The following MYO15B variants were observed in gnomAD, a reference collection of about 807,000 sequenced individuals.
MYO15B encodes myosin XVB, also known as myosin XVB pseudogene.
MYO15B carries 207 observed loss-of-function variants against 119.3 expected under a neutral mutation model. The ratio of observed to expected loss-of-function variants is 1.73; its 90% confidence interval spans 1.55 to 1.95. MYO15B has a LOEUF of 1.95. Among genes scored for constraint, MYO15B ranks in the 30% most tolerant of loss-of-function variants. The pLI is 0.00. For missense variants in MYO15B, 2,264 were observed against 1,203.1 expected (o/e 1.88, Z -13.04); for synonymous variants, 966 against 498.9 (o/e 1.94, Z -12.48).
intron 11 of MYO15B, 40 bp from the exon 12 acceptor site, chr17:75,594,800 G>A: frequency 2.8e-6 from 2 of 702,844 alleles, no homozygotes; most frequent in Non-Finnish European, 5.2e-6. Flanking sequence ...AGGGCCCGAG[G>A]CACGGCTCTA....
At chr17:75,609,387 C>T (rs1057418436) in intron 21 of MYO15B, among the ~76,000 whole-genome samples, 3 of 151,394 alleles carry the variant, frequency 2.0e-5, no homozygotes, top group Admixed American at 1.3e-4. Context: ...GTTGCCCAGG[C>T]TGGTCTTGAA....
chr17:75,625,874 A>T, exon 62 of MYO15B: 1 of 702,944 alleles, frequency 1.4e-6, no homozygotes, highest in South Asian at 1.5e-5. Flanking sequence ...CTCTTCGGCT[A>T]CACCGTCTAT....
At chr17:75,597,228 G>T (rs938548596) in intron 14 of MYO15B, among the ~76,000 whole-genome samples, 5 of 152,224 alleles carry the variant, frequency 3.3e-5, no homozygotes, top group Non-Finnish European at 7.3e-5. Flanking sequence ...AAGGGCTTCT[G>T]CAGGTCCCTC....
chr17:75,607,958 T>A (rs1361795415), intron 21 of MYO15B, among the ~76,000 whole-genome samples: 1 of 152,194 alleles, frequency 6.6e-6, no homozygotes, highest in African/African-American at 2.4e-5. Context: ...ACTTATTCTT[T>A]TCCATTTTTA....
exon 13 of MYO15B, chr17:75,596,534 G>A (rs1275972033): frequency 1.4e-6 from 1 of 703,076 alleles, no homozygotes; most frequent in East Asian, 2.7e-5. Context: ...TCTCCAGCCA[G>A]ATGCTGCTGG....
intron 25 of MYO15B, 24 bp downstream of exon 25, chr17:75,612,040 T>C (rs1312760100): frequency 1.0e-5 from 7 of 702,444 alleles, no homozygotes; most frequent in Admixed American, 2.0e-5. Context: ...CCTAAGCTCT[T>C]CCCGCTGGCC....
chr17:75,610,763 C>T, intron 22 of MYO15B, 137 bp from the exon 23 acceptor site: 1 of 640,312 alleles, frequency 1.6e-6, no homozygotes. Flanking sequence ...GGGTGGCTGG[C>T]CCCTCCTGAT....
rs1568219727 is a variant in MYO15B at position 75,620,726 on chromosome 17, C to CG, written c.7725+92dup. ...TTTGACCACTCCCGAGGCTGCCATG[C>CG]GGTGGGACCACCCTGCTGTCCGTCT... On this transcript the variant is annotated intron_variant, in intron 49 of 63. Transcript: ENST00000645453. The CG allele has an allele frequency of 1.0e-5, 7 of 692,076 alleles. No individual in the cohort carries two copies. In the South Asian group the frequency reaches 1.1e-4, roughly 10 times the overall value. 42.9% of individuals were successfully genotyped at this position (692,076 alleles called of 1,614,324 possible).
At chr17:75,626,257 C>T (rs895019626) in intron 63 of MYO15B, 29 bp downstream of exon 63, 13 of 701,340 alleles carry the variant, frequency 1.9e-5, no homozygotes, top group East Asian at 5.4e-5. Context: ...GGCCACCTTG[C>T]GAAGGTGGAT....
At chr17:75,595,553 G>T (rs1470336227) in intron 12 of MYO15B, among the ~76,000 whole-genome samples, 1 of 152,180 alleles carries the variant, frequency 6.6e-6, no homozygotes, top group African/African-American at 2.4e-5. Context: ...TTCCCAGCAG[G>T]ACCTACCTTG....
exon 3 of MYO15B, chr17:75,590,941 C>G: frequency 1.8e-6 from 1 of 541,144 alleles, no homozygotes. Context: ...GTTCTGAACC[C>G]CCACCGGTCC....
exon 21 of MYO15B, chr17:75,606,009 G>A (rs1259746975): frequency 2.9e-6 from 2 of 698,640 alleles, no homozygotes; most frequent in East Asian, 5.4e-5. Context: ...CGCATGCGTG[G>A]GTTCCAGGCC....
intron 15 of MYO15B, chr17:75,602,256 C>G (rs1183771282): frequency 3.5e-6 from 2 of 572,480 alleles, no homozygotes; most frequent in Non-Finnish European, 6.3e-6. Context: ...ACATTCTTGT[C>G]TAGTCAACCT....
intron 9 of MYO15B, among the ~76,000 whole-genome samples, chr17:75,593,701 C>G (rs1046683251): frequency 4.0e-5 from 6 of 151,668 alleles, no homozygotes; most frequent in Non-Finnish European, 8.8e-5. Flanking sequence ...GGGCGGATCA[C>G]CTGAGGTCAG....
intron 19 of MYO15B, 72 bp from the exon 20 acceptor site, chr17:75,605,432 G>A (rs185708992): frequency 0.016 from 8,430 of 538,968 alleles, 65 homozygotes; most frequent in Non-Finnish European, 0.019. Flanking sequence ...GCGAGACTCC[G>A]TCTTAAAAAA....
exon 37 of MYO15B, chr17:75,616,083 G>C: frequency 1.7e-6 from 1 of 578,546 alleles, no homozygotes; most frequent in Non-Finnish European, 3.1e-6. Flanking sequence ...CCTCCGAGGA[G>C]GCTGAAGACA....
intron 14 of MYO15B, among the ~76,000 whole-genome samples, chr17:75,598,597 A>G (rs2057037533): frequency 6.6e-6 from 1 of 152,098 alleles, no homozygotes; most frequent in Non-Finnish European, 1.5e-5. Context: ...TTATTGTAAT[A>G]GTTCGTTGAT....
chr17:75,618,008 G>C (rs2058483009), intron 42 of MYO15B, 86 bp downstream of exon 42: 1 of 690,720 alleles, frequency 1.4e-6, no homozygotes, highest in African/African-American at 1.8e-5. Context: ...TGGGACCCCA[G>C]CATCCCCTCC....
At chr17:75,601,205 A>G (rs999523985) in intron 14 of MYO15B, among the ~76,000 whole-genome samples, 2 of 151,908 alleles carry the variant, frequency 1.3e-5, no homozygotes, top group African/African-American at 2.4e-5. Flanking sequence ...GCCCAGCCCA[A>G]TTTTTAAATT....
Sources: gnomAD v4.1 joint callset for allele counts (sites outside exome capture counted in the v4.1 genomes callset) on GRCh38, gnomAD v4.1.1 for gene constraint, MANE v1.5 for transcripts, NCBI Gene and HGNC (gene_info 2026-07-23, HGNC 2026-07-21) for gene names.